MMRN1: variants seen among roughly 807,000 people sequenced by gnomAD.
MMRN1 encodes the protein multimerin-1.
A neutral mutation model predicts 100.7 loss-of-function variants in MMRN1; 94 were observed. The observed-to-expected ratio is 0.93, with a 90% CI of 0.79 to 1.11. The LOEUF (loss-of-function observed/expected upper bound fraction) is 1.11, where lower values mean the gene tolerates loss of function less well. Among genes scored for constraint, MMRN1 ranks in the 50% least tolerant of loss-of-function variants. MMRN1 has a pLI of 0.00. For synonymous variants in MMRN1, 575 were observed against 505.0 expected (o/e 1.14, Z -1.86); for missense variants, 1,606 against 1,439.1 (o/e 1.12, Z -1.88).
chr4:89,889,734 C>G (rs1175498800), intron 1 of MMRN1, among the ~76,000 whole-genome samples: 1 of 152,050 alleles, frequency 6.6e-6, no homozygotes, highest in Non-Finnish European at 1.5e-5. Flanking sequence ...ATGTGTTCAC[C>G]CATTCTTATA....
chr4:89,915,438 A>G (rs1309040089), intron 3 of MMRN1, among the ~76,000 whole-genome samples: 1 of 151,638 alleles, frequency 6.6e-6, no homozygotes, highest in Non-Finnish European at 1.5e-5. Flanking sequence ...TTGAGGGATC[A>G]GCTGGAAATC....
upstream of MMRN1, among the ~76,000 whole-genome samples, chr4:89,891,638 G>A (rs1721057198): frequency 6.6e-6 from 1 of 151,958 alleles, no homozygotes; most frequent in Admixed American, 6.6e-5. Flanking sequence ...TTTGCTGTAT[G>A]TTGATAACCC....
intron 3 of MMRN1, among the ~76,000 whole-genome samples, chr4:89,921,514 T>C (rs1722087819): frequency 6.6e-6 from 1 of 152,186 alleles, no homozygotes; most frequent in Non-Finnish European, 1.5e-5. Context: ...TGGTTGTATC[T>C]GTATGAATTA....
Position 89,895,453 on chromosome 4 carries a change from G to C in MMRN1, c.482G>C (p.Gly161Ala), listed in dbSNP as rs755128216. Reference sequence around the variant, plus strand: ...GCAACTTCTCTAAACACAGTTGGAGGCACTGGAGGCATTGGAGGCGTTGGA... The same window carrying C: ...GCAACTTCTCTAAACACAGTTGGAGCCACTGGAGGCATTGGAGGCGTTGGA... ...EQATSLNTVG[G>A]TGGIGGVGGT... The change falls in exon 1 of 8, where the codon GGC becomes GCC. Residue 161 changes from glycine (G) to alanine (A), a missense_variant. Gly to Ala is a moderately conservative substitution (Grantham distance 60). Coordinates refer to ENST00000264790, the MANE Select transcript of MMRN1 (RefSeq NM_007351.3). 1.6e-5 allele frequency: 26 copies of C among 1,613,596 alleles called. 2 individuals carry two copies. The South Asian group carries it at 2.9e-4, about 18-fold the overall frequency.
In MMRN1 at chr4:89,936,484, C is replaced by T. The variant is rs1329212890; in HGVS notation, c.2804C>T (p.Ser935Phe). The T allele has an allele frequency of 6.2e-7, 1 of 1,613,094 alleles. No homozygotes were observed. Among genetic ancestry groups the T allele is most frequent in the African/African-American group, 1.3e-5 (1 of 74,892 alleles). Residue 935 changes from serine to phenylalanine, a missense_variant, in exon 6 of 8, where the codon TCT becomes TTT. Physicochemically the swap from Ser to Phe is radical, Grantham distance 155. Coordinates refer to ENST00000264790, the MANE Select transcript of MMRN1 (RefSeq NM_007351.3). ...GTTTTAACAATGTGTCACAATGCTTCTACAAGTGTGTCAGAACTGAATGCT... is the reference window on the plus strand; with the variant it reads ...GTTTTAACAATGTGTCACAATGCTTTTACAAGTGTGTCAGAACTGAATGCT... ...HEVLTMCHNA[S>F]TSVSELNATI...
upstream of MMRN1, chr4:89,894,735 A>T (rs555376767): frequency 0.029 from 12,734 of 440,506 alleles, 277 homozygotes; most frequent in Non-Finnish European, 0.039. Context: ...TTTGTCAGAG[A>T]CCCTTCAGCA....
chr4:89,952,478 A>G (rs1291928185), intron 7 of MMRN1, among the ~76,000 whole-genome samples: 1 of 152,198 alleles, frequency 6.6e-6, no homozygotes, highest in African/African-American at 2.4e-5. Context: ...CTTTGTAAGT[A>G]CAATTGGCAT....
chr4:89,912,024 A>G lies in MMRN1; in HGVS notation c.824A>G (p.Tyr275Cys). The G allele has an allele frequency of 6.2e-7, 1 of 1,600,636 alleles. No individual in the cohort carries two copies. Among genetic ancestry groups the G allele is most frequent in the South Asian group, 1.1e-5 (1 of 89,500 alleles). The change falls in exon 3 of 8, where the codon TAC becomes TGC. Residue 275 changes from tyrosine to cysteine, a missense_variant. Physicochemically the swap from Tyr to Cys is radical, Grantham distance 194 (BLOSUM62 -2). Transcript: ENST00000264790. ...TTGGATTGGAGGTGCTGTCCTGGAT[A>G]CAGTGGGCCGAAATGTCAACTAAGA... ...TSLDWRCCPG[Y>C]SGPKCQLRAQ...
rs930911433 is a variant in MMRN1, at chr4:89,951,643, G to A, written c.3157G>A (p.Gly1053Arg). 6.5e-7 allele frequency: 1 copy of A among 1,550,280 alleles called. No individual in the cohort carries two copies. The highest frequency in any genetic ancestry group is 1.4e-5 in the African/African-American group (1 of 70,554). The change falls in exon 7 of 8, where the codon GGG becomes AGG. Residue 1053 changes from glycine (G) to arginine (R), a missense_variant. Gly to Arg is a moderately radical substitution (Grantham distance 125). Coordinates refer to ENST00000264790, the MANE Select transcript of MMRN1 (RefSeq NM_007351.3). ...SSCSRHPCQNGGTCINGRTSF... is the reference protein window; with the variant it reads ...SSCSRHPCQNRGTCINGRTSF... ...CTGTAGTCGGCATCCGTGCCAAAAT[G>A]GGGGCACGTGCATAAATGGAAGAAC...
chr4:89,902,673 C>A (rs1721431030), intron 1 of MMRN1, among the ~76,000 whole-genome samples: 2 of 151,890 alleles, frequency 1.3e-5, no homozygotes, highest in South Asian at 4.1e-4. Flanking sequence ...GTTCCCACTA[C>A]AGAAAGCAAA....
intron 1 of MMRN1, among the ~76,000 whole-genome samples, chr4:89,881,818 T>G: frequency 6.6e-6 from 1 of 151,988 alleles, no homozygotes; most frequent in East Asian, 1.9e-4. Flanking sequence ...ATAGTTAGCC[T>G]TTCAGAGCTA....
At chr4:89,946,160 T>C (rs1025258415) in intron 6 of MMRN1, among the ~76,000 whole-genome samples, 6 of 152,176 alleles carry the variant, frequency 3.9e-5, no homozygotes, top group Admixed American at 3.9e-4. Flanking sequence ...TGTCCATTAA[T>C]ATGGAAATGA....
Position 89,923,289 on chromosome 4 carries a change from A to G in MMRN1, c.955+17A>G. Reference sequence around the variant, plus strand: ...GTGACCCAGGTCATAGATTGTAATTACTATCATCTCTGACCCAATTATTGT... The same window carrying G: ...GTGACCCAGGTCATAGATTGTAATTGCTATCATCTCTGACCCAATTATTGT... On this transcript the variant is annotated intron_variant, in intron 4 of 7. Coordinates refer to ENST00000264790, the MANE Select transcript of MMRN1 (RefSeq NM_007351.3). 3 of 1,602,398 alleles carry G rather than the reference A, an allele frequency of 1.9e-6. No homozygotes were observed. Among genetic ancestry groups the G allele is most frequent in the South Asian group, 1.1e-5 (1 of 90,672 alleles).
At chr4:89,913,904 G>T (rs946489129) in intron 3 of MMRN1, among the ~76,000 whole-genome samples, 3 of 151,334 alleles carry the variant, frequency 2.0e-5, no homozygotes, top group Non-Finnish European at 3.0e-5. Flanking sequence ...TGCATATTGT[G>T]TCATATTGTC....
chr4:89,911,356 A>G (rs1444368855), intron 2 of MMRN1, among the ~76,000 whole-genome samples: 1 of 151,316 alleles, frequency 6.6e-6, no homozygotes, highest in Non-Finnish European at 1.5e-5. Flanking sequence ...CTCATATTAC[A>G]TCCCTTCTCT....
chr4:89,915,396 C>T (rs972368796), intron 3 of MMRN1, among the ~76,000 whole-genome samples: 1 of 151,440 alleles, frequency 6.6e-6, no homozygotes, highest in Non-Finnish European at 1.5e-5. Flanking sequence ...ACATGTACAC[C>T]GAACATTCAC....
intron 1 of MMRN1, among the ~76,000 whole-genome samples, chr4:89,900,379 G>T (rs1266833399): frequency 1.3e-5 from 2 of 151,934 alleles, no homozygotes; most frequent in Admixed American, 1.3e-4. Context: ...GCTCTTGCTG[G>T]AATGCTCTTT....
chr4:89,925,614 G>T (rs910067180), intron 4 of MMRN1, among the ~76,000 whole-genome samples: 2 of 151,674 alleles, frequency 1.3e-5, no homozygotes, highest in South Asian at 2.1e-4. Flanking sequence ...GGTGGATCAC[G>T]AGGTCAGGAG....
chr4:89,944,181 T>C (rs1186386760), intron 6 of MMRN1, among the ~76,000 whole-genome samples: 1 of 152,216 alleles, frequency 6.6e-6, no homozygotes, highest in Non-Finnish European at 1.5e-5. Context: ...TTTTGACTTT[T>C]GTACATTTTA....
Sources: gnomAD v4.1 joint callset for allele counts (sites outside exome capture counted in the v4.1 genomes callset) on GRCh38, gnomAD v4.1.1 for gene constraint, MANE v1.5 for transcripts, NCBI Gene and HGNC (gene_info 2026-07-23, HGNC 2026-07-21) for gene names.